Variants in ANO2 observed in about 807,000 individuals in gnomAD.
ANO2 encodes the protein anoctamin-2.
Under a neutral mutation model 124.2 loss-of-function variants are expected in ANO2, and 101 were observed. That is an observed-to-expected ratio of 0.81 (90% CI 0.69 to 0.96). ANO2 has a LOEUF of 0.96. ANO2 is among the 40% of genes least tolerant of loss of function. The probability of loss-of-function intolerance (pLI) is 0.00; values close to 1 mark genes in which losing one functional copy is unlikely to be tolerated. For synonymous variants in ANO2, 486 were observed against 482.5 expected, an observed-to-expected ratio of 1.01 and a Z score of -0.09; for missense variants, 1,293 against 1,274.5, an observed-to-expected ratio of 1.01 and a Z score of -0.22.
intron 10 of ANO2, among the ~76,000 whole-genome samples, chr12:5,797,136 C>A (rs1952887026): frequency 1.3e-5 from 2 of 152,196 alleles, no homozygotes; most frequent in Non-Finnish European, 2.9e-5. Flanking sequence ...ACGGAGGGTG[C>A]CATGCATGGT....
chr12:5,606,828 C>A (rs1944244397), intron 19 of ANO2, among the ~76,000 whole-genome samples: 1 of 151,880 alleles, frequency 6.6e-6, no homozygotes, highest in African/African-American at 2.4e-5. Context: ...GAATGTTGCA[C>A]CCTCAGAGAA....
chr12:5,834,497 T>C (rs2137222545), intron 4 of ANO2, among the ~76,000 whole-genome samples: 1 of 152,332 alleles, frequency 6.6e-6, no homozygotes, highest in East Asian at 1.9e-4. Context: ...ATTAGAAACA[T>C]ATTCGTTGAG....
intron 7 of ANO2, among the ~76,000 whole-genome samples, chr12:5,823,498 C>T (rs1953869179): frequency 1.3e-5 from 2 of 152,206 alleles, no homozygotes; most frequent in South Asian, 4.1e-4. Flanking sequence ...AAAATGATCT[C>T]CTTTGACTCT....
In ANO2 at chr12:5,766,650, G is replaced by A. The variant is rs139570022; in HGVS notation, c.1056-15680C>T. Among the ~76,000 whole-genome samples, 539 of 152,206 alleles carry A rather than the reference G, an allele frequency of 3.5e-3. 2 individuals carry two copies. The highest frequency in any genetic ancestry group is 0.011 in the African/African-American group (477 of 41,528). ...AAGATGCAGGAAGCTGTATATTTAT[G>A]GCACACACACCTTTCTATCTGTATA... On this transcript the variant is annotated intron_variant, in intron 10 of 24. Transcript: ENST00000682330.
At chr12:5,721,788 G>A (rs899497366) in intron 14 of ANO2, among the ~76,000 whole-genome samples, 1 of 152,160 alleles carries the variant, frequency 6.6e-6, no homozygotes, top group Admixed American at 6.5e-5. Context: ...GATTACAGGC[G>A]TGAGCCACTG....
intron 12 of ANO2, among the ~76,000 whole-genome samples, chr12:5,743,472 C>T (rs1416098482): frequency 4.0e-5 from 6 of 149,570 alleles, no homozygotes; most frequent in East Asian, 2.0e-4. Flanking sequence ...TGAGAATAGG[C>T]GTGTGTGTGT....
Position 5,599,483 on chromosome 12 carries a change from C to T in ANO2, c.2233+1G>A. ...TGGAAGGCAGGACCATGGGTTCTCA[C>T]TCATTTCCATGTACTCCGGAGTCAG... is the stretch of plus-strand genomic sequence containing the variant. On this transcript the variant is annotated splice_donor_variant, in intron 20 of 24. Transcript: ENST00000682330. LOFTEE classifies it high-confidence loss of function. 1 of 1,602,548 alleles carries T rather than the reference C, an allele frequency of 6.2e-7. No homozygotes were observed. Among genetic ancestry groups the T allele is most frequent in the Non-Finnish European group, 8.5e-7 (1 of 1,176,972 alleles).
At position 5,636,063 on chromosome 12, in the gene ANO2, G is replaced by T. The variant is rs1945998144; in HGVS notation, c.1621-716C>A. On this transcript the variant is annotated intron_variant, in intron 15 of 24. Transcript: ENST00000682330. This position sits in a 1 kb window ranked among gnomAD's most constrained non-coding sequence, Gnocchi z 4.6. Reference sequence around the variant, plus strand: ...TATCACTGTAAGATTTCTCTACTAGGTGACTTGAAATGGAGGACTCAGATT... The same window carrying T: ...TATCACTGTAAGATTTCTCTACTAGTTGACTTGAAATGGAGGACTCAGATT... Among the ~76,000 whole-genome samples, 1 of 152,144 alleles carries T rather than the reference G, an allele frequency of 6.6e-6. No individual in the cohort carries two copies. The highest frequency in any genetic ancestry group is 2.4e-5 in the African/African-American group (1 of 41,420).
At chr12:5,742,744 A>C (rs1951139371) in intron 12 of ANO2, among the ~76,000 whole-genome samples, 1 of 152,174 alleles carries the variant, frequency 6.6e-6, no homozygotes, top group Admixed American at 6.5e-5. Context: ...GCAAAAAATG[A>C]ATACGTATTC....
intron 20 of ANO2, among the ~76,000 whole-genome samples, chr12:5,583,512 G>A (rs1251235554): frequency 6.6e-6 from 1 of 151,308 alleles, no homozygotes; most frequent in Non-Finnish European, 1.5e-5. Flanking sequence ...AATTAGCCGG[G>A]CGCAGTGGCG....
At chr12:5,792,001 T>C (rs1431414084) in intron 10 of ANO2, among the ~76,000 whole-genome samples, 3 of 152,142 alleles carry the variant, frequency 2.0e-5, no homozygotes, top group African/African-American at 7.2e-5. Flanking sequence ...ATAAATACAT[T>C]TATTTGTATT....
intron 13 of ANO2, 142 bp from the exon 14 acceptor site, chr12:5,732,772 A>ACAAGGCATCTAGACAT: frequency 4.4e-6 from 7 of 1,574,968 alleles, no homozygotes; most frequent in Non-Finnish European, 6.1e-6. Context: ...ACACACAATC[A>ACAAGGCATCTAGACAT]CAAGGCATCT....
At chr12:5,791,445 G>A (rs1185039477) in intron 10 of ANO2, among the ~76,000 whole-genome samples, 2 of 152,160 alleles carry the variant, frequency 1.3e-5, no homozygotes, top group South Asian at 2.1e-4. Context: ...AGCCAAGGTC[G>A]ACTATGGTCA....
At chr12:5,655,049 G>A (rs181975927) in intron 14 of ANO2, among the ~76,000 whole-genome samples, 4 of 152,076 alleles carry the variant, frequency 2.6e-5, no homozygotes, top group Non-Finnish European at 4.4e-5. Context: ...TACACCCATC[G>A]GTTGTGTCCA....
chr12:5,612,525 C>T lies in ANO2; in HGVS notation c.2087+131G>A, dbSNP rs182115817. ...TTTGCCCCATGGGGAAAGTTATTGG[C>T]AAATTGACAGAGAATTAAATCACCA... On this transcript the variant is annotated intron_variant, in intron 19 of 24. Coordinates refer to ENST00000682330, the MANE Select transcript of ANO2 (RefSeq NM_001364791.2). 9.2e-5 allele frequency: 69 copies of T among 752,688 alleles called. No homozygotes were observed. In the African/African-American group the frequency reaches 9.7e-4, roughly 11 times the overall value. The allele number at this position is 752,688 out of a possible 1,614,324, so 46.6% of individuals were successfully genotyped here.
chr12:5,584,133 C>G (rs1287291457), intron 20 of ANO2: 4 of 157,230 alleles, frequency 2.5e-5, no homozygotes, highest in Admixed American at 2.1e-4. Context: ...TAATGAACAC[C>G]CCCCCCCCGC....
chr12:5,942,071 C>T (rs1178836327), intron 1 of ANO2, among the ~76,000 whole-genome samples: 2 of 128,904 alleles, frequency 1.6e-5, no homozygotes, highest in Non-Finnish European at 1.8e-5. Flanking sequence ...AAGAATTCTT[C>T]CTAAGAACTT....
At chr12:5,940,035 A>T (rs1401543886) in intron 1 of ANO2, among the ~76,000 whole-genome samples, 1 of 152,210 alleles carries the variant, frequency 6.6e-6, no homozygotes, top group Non-Finnish European at 1.5e-5. Context: ...GGGATATGGT[A>T]AATGCTTATT....
At chr12:5,797,164 C>T (rs1952888104) in intron 10 of ANO2, among the ~76,000 whole-genome samples, 1 of 152,188 alleles carries the variant, frequency 6.6e-6, no homozygotes, top group South Asian at 2.1e-4. Context: ...AGTCATGGAG[C>T]AAAACTGTCA....
Sources: allele counts gnomAD v4.1 joint callset (sites outside exome capture counted in the v4.1 genomes callset), GRCh38; gene constraint gnomAD v4.1.1; non-coding constraint Gnocchi (gnomAD v3.1); transcripts MANE v1.5; gene names NCBI Gene and HGNC (gene_info 2026-07-23, HGNC 2026-07-21).